The following ATG7 variants were observed in gnomAD, a reference collection of about 807,000 sequenced individuals.
ATG7 encodes the protein ubiquitin-like modifier-activating enzyme ATG7.
A neutral mutation model predicts 82.4 loss-of-function variants in ATG7; 70 were observed. The ratio of observed to expected loss-of-function variants is 0.85; its 90% CI spans 0.70 to 1.04. The LOEUF is 1.04. Among genes scored for constraint, ATG7 ranks in the 50% least tolerant of loss-of-function variants. The pLI is 0.00. For synonymous variants in ATG7, 287 were observed against 313.0 expected, an observed-to-expected ratio of 0.92 and a Z score of 0.88; for missense variants, 792 against 864.3, an observed-to-expected ratio of 0.92 and a Z score of 1.05.
At chr3:11,317,030 T>C (rs537052952) in intron 9 of ATG7, among the ~76,000 whole-genome samples, 2 of 152,168 alleles carry the variant, frequency 1.3e-5, no homozygotes, top group Admixed American at 6.5e-5. Context: ...TTATTAGAGA[T>C]GGGGTTTCAC....
At chr3:11,451,480 G>A (rs2085124760) in intron 20 of ATG7, among the ~76,000 whole-genome samples, 2 of 152,160 alleles carry the variant, frequency 1.3e-5, no homozygotes, top group Admixed American at 1.3e-4. Context: ...CAAAGTGAAA[G>A]TCGGCATTAC....
intron 20 of ATG7, among the ~76,000 whole-genome samples, chr3:11,538,297 C>T (rs1305919360): frequency 6.6e-6 from 1 of 152,200 alleles, no homozygotes; most frequent in Non-Finnish European, 1.5e-5. Flanking sequence ...CAGACTCTAT[C>T]ACACCATGGA....
chr3:11,431,693 G>A (rs978272103), intron 20 of ATG7, among the ~76,000 whole-genome samples: 13 of 152,160 alleles, frequency 8.5e-5, no homozygotes, highest in Non-Finnish European at 1.5e-4. Flanking sequence ...GTTTATTCAT[G>A]TTGTAGCAAG....
chr3:11,498,714 C>T (rs2442789), intron 20 of ATG7, among the ~76,000 whole-genome samples: 126,840 of 152,174 alleles, frequency 0.83, 53,029 homozygotes, highest in East Asian at 1. Flanking sequence ...TTTCCTCTTT[C>T]CCCTTCTAAT....
chr3:11,400,051 A>G (rs961692504), intron 19 of ATG7, among the ~76,000 whole-genome samples: 5 of 152,242 alleles, frequency 3.3e-5, no homozygotes, highest in Non-Finnish European at 4.4e-5. Flanking sequence ...TTCTGCATGT[A>G]TGCTTCTGCT....
intron 19 of ATG7, among the ~76,000 whole-genome samples, chr3:11,388,108 G>A (rs1220462761): frequency 6.6e-6 from 1 of 152,090 alleles, no homozygotes; most frequent in Non-Finnish European, 1.5e-5. Context: ...GAGACACTAG[G>A]ATATGAGAGT....
intron 20 of ATG7, among the ~76,000 whole-genome samples, chr3:11,451,886 G>GACACACAC (rs34995509): frequency 6.0e-4 from 87 of 145,464 alleles, no homozygotes; most frequent in African/African-American, 2.1e-3. Flanking sequence ...CACACACACA[G>GACACACAC]ACACACACAC....
intron 8 of ATG7, 69 bp downstream of exon 8, chr3:11,313,489 C>T: frequency 3.4e-6 from 4 of 1,165,878 alleles, no homozygotes; most frequent in Non-Finnish European, 4.9e-6. Flanking sequence ...GTAGTTCTTT[C>T]CAAAGACAAA....
At chr3:11,569,535 C>A in the ATG7 span, among the ~76,000 whole-genome samples, 1 of 152,242 alleles carries the variant, frequency 6.6e-6, no homozygotes, top group Non-Finnish European at 1.5e-5. Flanking sequence ...ATCCCCCAAG[C>A]ACCAGAGTCC....
At chr3:11,356,549 T>C (rs2075947929) in intron 14 of ATG7, among the ~76,000 whole-genome samples, 1 of 152,194 alleles carries the variant, frequency 6.6e-6, no homozygotes, top group Admixed American at 6.5e-5. Context: ...TTTTAGCAAG[T>C]AGAGATTTAT....
intron 9 of ATG7, among the ~76,000 whole-genome samples, chr3:11,325,773 T>C (rs1455147494): frequency 2.0e-5 from 3 of 152,210 alleles, no homozygotes; most frequent in African/African-American, 7.2e-5. Flanking sequence ...CCAGAATGTT[T>C]GATTAAGGGC....
chr3:11,289,270 A>G (rs897896828), intron 3 of ATG7, among the ~76,000 whole-genome samples: 1 of 152,208 alleles, frequency 6.6e-6, no homozygotes, highest in African/African-American at 2.4e-5. Context: ...TGACACATGA[A>G]TAACTCTGTC....
intron 19 of ATG7, among the ~76,000 whole-genome samples, chr3:11,400,246 A>G (rs138604622): frequency 1.3e-5 from 2 of 152,188 alleles, no homozygotes; most frequent in Non-Finnish European, 2.9e-5. Context: ...ACTGAGTCCA[A>G]TGTAAGTTTT....
At chr3:11,376,947 G>T (rs920510504) in intron 18 of ATG7, among the ~76,000 whole-genome samples, 6 of 152,120 alleles carry the variant, frequency 3.9e-5, no homozygotes, top group African/African-American at 1.4e-4. Flanking sequence ...CACCGTGTTA[G>T]CCAGGATGGT....
At chr3:11,528,435 A>G (rs2092628929) in intron 20 of ATG7, among the ~76,000 whole-genome samples, 1 of 152,224 alleles carries the variant, frequency 6.6e-6, no homozygotes, top group Non-Finnish European at 1.5e-5. Flanking sequence ...GTCAGCCATC[A>G]TCAGAGACCT....
chr3:11,321,185 G>A (rs1181099051), intron 9 of ATG7, among the ~76,000 whole-genome samples: 2 of 152,202 alleles, frequency 1.3e-5, no homozygotes, highest in African/African-American at 4.8e-5. Context: ...GACATGCTTG[G>A]AGGAAGATGA....
At chr3:11,282,939 G>A (rs1943318169) in intron 3 of ATG7, among the ~76,000 whole-genome samples, 1 of 152,168 alleles carries the variant, frequency 6.6e-6, no homozygotes, top group African/African-American at 2.4e-5. Flanking sequence ...CATGTGGTTT[G>A]GTGCTTATTT....
At chr3:11,505,675 G>C (rs2091660477) in intron 20 of ATG7, among the ~76,000 whole-genome samples, 1 of 152,164 alleles carries the variant, frequency 6.6e-6, no homozygotes, top group Non-Finnish European at 1.5e-5. Context: ...TGGGAACCTT[G>C]CCAAGAATTA....
intron 18 of ATG7, among the ~76,000 whole-genome samples, chr3:11,366,971 C>CTGTGTGTG (rs60183965): frequency 0.028 from 3,884 of 139,740 alleles, 84 homozygotes; most frequent in East Asian, 0.067. Flanking sequence ...ATGGGAAAAG[C>CTGTGTGTG]TGTGTGTGTG....
Sources: gnomAD v4.1 joint callset for allele counts (sites outside exome capture counted in the v4.1 genomes callset) on GRCh38, gnomAD v4.1.1 for gene constraint, MANE v1.5 for transcripts, NCBI Gene and HGNC (gene_info 2026-07-23, HGNC 2026-07-21) for gene names.